Variants in NRXN1 observed in about 807,000 individuals in gnomAD.
NRXN1 encodes neurexin 1, also known as neurexin-1.
A neutral mutation model predicts 150.9 loss-of-function variants in NRXN1; 39 were observed. The ratio of observed to expected loss-of-function variants is 0.26; its 90% CI spans 0.20 to 0.34. The LOEUF (loss-of-function observed/expected upper bound fraction) is 0.34, where lower values mean the gene tolerates loss of function less well. NRXN1 is among the 10% of genes least tolerant of loss of function. The pLI, the probability that NRXN1 is intolerant of heterozygous loss-of-function variation, is 1.00. For synonymous variants in NRXN1, 924 were observed against 757.0 expected (o/e 1.22, Z -3.62); for missense variants, 1,815 against 1,949.9 (o/e 0.93, Z 1.30).
At chr2:50,725,864 T>C (rs1358498664) in intron 5 of NRXN1, among the ~76,000 whole-genome samples, 1 of 152,186 alleles carries the variant, frequency 6.6e-6, no homozygotes, top group Non-Finnish European at 1.5e-5. Flanking sequence ...CAAGATAATA[T>C]TTGTAAAAAT....
chr2:50,001,205 C>G (rs1683859543), intron 21 of NRXN1, among the ~76,000 whole-genome samples: 1 of 152,104 alleles, frequency 6.6e-6, no homozygotes, highest in Admixed American at 6.6e-5. Flanking sequence ...GTCCTTATCA[C>G]AAACTGTGGA....
chr2:50,829,412 G>C, intron 5 of NRXN1: 3 of 1,367,836 alleles, frequency 2.2e-6, no homozygotes, highest in Non-Finnish European at 2.1e-6. Flanking sequence ...ACAGGCATGA[G>C]CCACTGTGCC....
At chr2:49,950,775 A>T (rs1673800866) in intron 21 of NRXN1, among the ~76,000 whole-genome samples, 1 of 151,950 alleles carries the variant, frequency 6.6e-6, no homozygotes, top group Non-Finnish European at 1.5e-5. Flanking sequence ...TGCTAAAAAA[A>T]ATACTCATCT....
At chr2:50,552,160 GC>G (rs1370796485) in intron 9 of NRXN1, among the ~76,000 whole-genome samples, 1 of 152,120 alleles carries the variant, frequency 6.6e-6, no homozygotes, top group Non-Finnish European at 1.5e-5. Context: ...AGTGTGACGT[GC>G]CAAACTAAGG....
chr2:50,985,217 C>G (rs894998004), intron 2 of NRXN1, among the ~76,000 whole-genome samples: 1 of 151,740 alleles, frequency 6.6e-6, no homozygotes, highest in Non-Finnish European at 1.5e-5. Context: ...GTAAATATCA[C>G]CAACATCCAT....
intron 18 of NRXN1, among the ~76,000 whole-genome samples, chr2:50,162,334 C>A (rs564958947): frequency 7.9e-5 from 12 of 152,148 alleles, no homozygotes; most frequent in Non-Finnish European, 1.5e-4. Flanking sequence ...TAAAACTCTT[C>A]ATGGACCTTA....
intron 21 of NRXN1, among the ~76,000 whole-genome samples, chr2:49,986,527 T>C (rs1373700370): frequency 2.0e-5 from 3 of 152,210 alleles, no homozygotes; most frequent in Non-Finnish European, 2.9e-5. Context: ...CAATATTTCA[T>C]GTCATGTAGT....
chr2:50,646,927 G>T (rs1242798153), intron 5 of NRXN1, among the ~76,000 whole-genome samples: 1 of 151,738 alleles, frequency 6.6e-6, no homozygotes, highest in African/African-American at 2.4e-5. Context: ...GACAGACTAT[G>T]CCTGTGAATA....
chr2:50,945,762 TAA>T (rs1379968041), intron 2 of NRXN1, among the ~76,000 whole-genome samples: 2 of 151,324 alleles, frequency 1.3e-5, no homozygotes, highest in African/African-American at 4.8e-5. Flanking sequence ...TTTCTGAACT[TAA>T]GTTAGTCTCC....
intron 5 of NRXN1, among the ~76,000 whole-genome samples, chr2:50,847,468 C>T (rs1673831464): frequency 1.3e-5 from 2 of 152,046 alleles, no homozygotes; most frequent in South Asian, 4.2e-4. Context: ...TTAAATGATA[C>T]AGAAGCGGGG....
Position 50,890,807 on chromosome 2 carries a change from G to A in NRXN1, c.832+31062C>T, listed in dbSNP as rs115668765. 4.8e-3 allele frequency among the ~76,000 whole-genome samples: 733 copies of A among 151,872 alleles called. 4 individuals carry two copies. The highest frequency in any genetic ancestry group is 0.017 in the African/African-American group (710 of 41,496). On this transcript the variant is annotated intron_variant, in intron 5 of 22. Transcript: ENST00000401669. Reference sequence around the variant, plus strand: ...TTACTTCATTCTGAACTGAGATAACGACTGTAGTGAAACAACTGTATTTGT... The same window carrying A: ...TTACTTCATTCTGAACTGAGATAACAACTGTAGTGAAACAACTGTATTTGT...
intron 5 of NRXN1, among the ~76,000 whole-genome samples, chr2:50,787,974 C>T (rs1705373050): frequency 6.6e-6 from 1 of 152,010 alleles, no homozygotes; most frequent in Non-Finnish European, 1.5e-5. Context: ...GTATATTGAC[C>T]TATTGTGAGT....
intron 5 of NRXN1, among the ~76,000 whole-genome samples, chr2:50,686,476 CTT>C (rs1199042120): frequency 6.6e-6 from 1 of 152,146 alleles, no homozygotes; most frequent in Non-Finnish European, 1.5e-5. Flanking sequence ...GTCAGCCTCT[CTT>C]AGGAGAAAAT....
At chr2:50,165,400 G>C (rs962016994) in intron 18 of NRXN1, among the ~76,000 whole-genome samples, 1 of 152,132 alleles carries the variant, frequency 6.6e-6, no homozygotes, top group African/African-American at 2.4e-5. Context: ...CCAGGCTGGA[G>C]TGCAGTGGCG....
At chr2:50,388,335 C>T (rs542950775) in intron 17 of NRXN1, among the ~76,000 whole-genome samples, 47 of 152,036 alleles carry the variant, frequency 3.1e-4, no homozygotes, top group Non-Finnish European at 6.3e-4. Flanking sequence ...TTTATAATGA[C>T]CATCAAATAT....
intron 19 of NRXN1, among the ~76,000 whole-genome samples, chr2:50,065,311 A>C (rs1695200667): frequency 6.6e-6 from 1 of 152,154 alleles, no homozygotes; most frequent in Non-Finnish European, 1.5e-5. Context: ...TCATAGAAAG[A>C]GGGACCATTT....
intron 15 of NRXN1, among the ~76,000 whole-genome samples, chr2:50,478,355 C>G (rs557600348): frequency 1.5e-4 from 23 of 152,240 alleles, no homozygotes; most frequent in South Asian, 1.0e-3. Flanking sequence ...AGAAACCACA[C>G]AGAAATGAAC....
rs145385063 is a variant in NRXN1 at position 50,011,301 on chromosome 2, C to A, written c.4128+41970G>T. ...AACTCAATATTTTCATACTTTTTTA[C>A]TTTGGAAGATTTGGAGCTGTGCTCA... On this transcript the variant is annotated intron_variant, in intron 21 of 22. Coordinates refer to ENST00000401669, the MANE Select transcript of NRXN1 (RefSeq NM_001330078.2). Among the ~76,000 whole-genome samples the A allele has an allele frequency of 8.4e-3, 1,281 of 152,178 alleles. 18 individuals are homozygous for A. Among genetic ancestry groups the A allele is most frequent in the African/African-American group, 0.029 (1,206 of 41,552 alleles).
intron 21 of NRXN1, among the ~76,000 whole-genome samples, chr2:49,977,945 C>T (rs145488197): frequency 5.3e-5 from 8 of 152,168 alleles, no homozygotes; most frequent in East Asian, 1.9e-4. Context: ...GAGTGGATCA[C>T]GAGGTCAGGA....
Sources: gnomAD v4.1 joint callset for allele counts (sites outside exome capture counted in the v4.1 genomes callset) on GRCh38, gnomAD v4.1.1 for gene constraint, MANE v1.5 for transcripts, NCBI Gene and HGNC (gene_info 2026-07-23, HGNC 2026-07-21) for gene names.